Variants in PPIP5K2 observed in about 807,000 individuals in gnomAD.
The protein encoded by PPIP5K2 is inositol hexakisphosphate and diphosphoinositol-pentakisphosphate kinase 2.
A neutral mutation model predicts 154.6 loss-of-function variants in PPIP5K2; 105 were observed. The ratio of observed to expected loss-of-function variants is 0.68; its 90% confidence interval spans 0.58 to 0.80. PPIP5K2 has a LOEUF of 0.80. Ranked by LOEUF, PPIP5K2 falls within the 30% of genes least tolerant of loss-of-function variation. PPIP5K2 has a pLI of 0.00. For missense variants in PPIP5K2, 992 were observed against 1,504.6 expected, an observed-to-expected ratio of 0.66 and a Z score of 5.64; for synonymous variants, 480 against 490.3, an observed-to-expected ratio of 0.98 and a Z score of 0.28.
intron 17 of PPIP5K2, among the ~76,000 whole-genome samples, chr5:103,164,877 T>C (rs1433148846): frequency 6.6e-6 from 1 of 152,080 alleles, no homozygotes; most frequent in Non-Finnish European, 1.5e-5. Context: ...ATGGCTTTTA[T>C]TCAAAAAAAT....
rs2149883234 is a variant in PPIP5K2, at chr5:103,206,350, A to G, written c.*4716A>G. On this transcript the variant is annotated 3_prime_UTR_variant, in exon 31 of 31. Transcript: ENST00000358359. ...ATTTTTTTTGTTCATGTCCAACACA[A>G]TAAAAATTGAGGGAAGTTCTGTCCC... The G allele has an allele frequency of 6.6e-6, 1 of 152,304 alleles. No homozygotes were observed. The highest frequency in any genetic ancestry group is 2.1e-4 in the South Asian group (1 of 4,828). The allele number at this position is 152,304 out of a possible 1,614,324, so 9.4% of individuals were successfully genotyped here.
At chr5:103,193,866 T>C (rs191698738) in intron 29 of PPIP5K2, among the ~76,000 whole-genome samples, 3 of 152,284 alleles carry the variant, frequency 2.0e-5, no homozygotes, top group African/African-American at 7.2e-5. Context: ...TACTTTGGCC[T>C]GTCCTTGCCC....
At position 103,138,370 on chromosome 5, in the gene PPIP5K2, C is replaced by A. The variant is rs782533376; in HGVS notation, c.402-14C>A. On this transcript the variant is annotated splice_polypyrimidine_tract_variant and intron_variant, in intron 4 of 30. Transcript: ENST00000358359. ...GAGCAATAAAACAATAAGGATGTTT[C>A]CCTTTTTCTTCAGGAGAGAAGTATA... is the stretch of plus-strand genomic sequence containing the variant. The A allele has an allele frequency of 1.6e-5, 23 of 1,435,714 alleles. No homozygotes were observed. Among genetic ancestry groups the A allele is most frequent in the Non-Finnish European group, 2.2e-5 (23 of 1,042,008 alleles). The allele number at this position is 1,435,714 out of a possible 1,614,324, so 88.9% of individuals were successfully genotyped here. A position where few individuals can be genotyped will look rare whatever the true frequency, so the allele number is the denominator to read the frequency against.
chr5:103,154,997 T>C (rs1229318516), intron 13 of PPIP5K2, 54 bp downstream of exon 13: 5 of 1,040,908 alleles, frequency 4.8e-6, no homozygotes, highest in Non-Finnish European at 6.8e-6. Flanking sequence ...CTCTTCTTTT[T>C]TATGTATGTG....
chr5:103,173,553 A>G (rs1365749190), intron 20 of PPIP5K2, among the ~76,000 whole-genome samples: 4 of 151,974 alleles, frequency 2.6e-5, no homozygotes, highest in Non-Finnish European at 5.9e-5. Flanking sequence ...AATGTCTGTG[A>G]GCATCTTTAG....
At chr5:103,171,126 C>A (rs192869737) in intron 19 of PPIP5K2, among the ~76,000 whole-genome samples, 1 of 151,388 alleles carries the variant, frequency 6.6e-6, no homozygotes, top group Non-Finnish European at 1.5e-5. Flanking sequence ...TGCATATGGT[C>A]TATTTTAGTT....
rs782478104 is a variant in PPIP5K2 at position 103,191,002 on chromosome 5, T to C, written c.3493+20T>C. On this transcript the variant is annotated intron_variant, in intron 29 of 30. Coordinates refer to ENST00000358359, the MANE Select transcript of PPIP5K2 (RefSeq NM_001276277.3). ...AAATTTGTAGGAAATTTTTCTTTCATTGTTATTATTTAGTTGCTGGGCAAC... is the reference window on the plus strand; with the variant it reads ...AAATTTGTAGGAAATTTTTCTTTCACTGTTATTATTTAGTTGCTGGGCAAC... The C allele has an allele frequency of 5.1e-5, 82 of 1,600,374 alleles. No homozygotes were observed. Among genetic ancestry groups the C allele is most frequent in the Non-Finnish European group, 6.6e-5 (77 of 1,174,228 alleles).
In PPIP5K2 at chr5:103,190,957, C is replaced by T. The variant is rs542466858; in HGVS notation, c.3468C>T (p.Asp1156=). The T allele has an allele frequency of 4.9e-5, 79 of 1,608,002 alleles. No homozygotes were observed. The highest frequency in any genetic ancestry group is 3.2e-4 in the South Asian group (29 of 89,604). The part of the protein sequence containing the change: ...FLASIASPSS[D]VPRKTAEISS... ...CTTCCATTGCTTCTCCATCATCTGA[C>T]GTTCCACGGAAGACCGCTGAAATTT... Residue 1156 remains aspartate (D), a synonymous_variant, in exon 29 of 31, where the codon GAC becomes GAT. Coordinates refer to ENST00000358359, the MANE Select transcript of PPIP5K2 (RefSeq NM_001276277.3).
At chr5:103,141,276 C>T (rs1431993942) in intron 5 of PPIP5K2, among the ~76,000 whole-genome samples, 2 of 151,924 alleles carry the variant, frequency 1.3e-5, no homozygotes, top group Non-Finnish European at 2.9e-5. Context: ...CTGTCCCTTC[C>T]GATGTTCAGA....
intron 1 of PPIP5K2, among the ~76,000 whole-genome samples, chr5:103,126,116 T>C (rs1789632411): frequency 6.6e-6 from 1 of 152,210 alleles, no homozygotes; most frequent in South Asian, 2.1e-4. Context: ...GTTCACACCA[T>C]ATAACCCCAT....
At chr5:103,197,776 C>T (rs1298591456) in intron 30 of PPIP5K2, among the ~76,000 whole-genome samples, 1 of 151,344 alleles carries the variant, frequency 6.6e-6, no homozygotes, top group Non-Finnish European at 1.5e-5. Context: ...TGGAGTTTCA[C>T]CATGTTGGCC....
intron 19 of PPIP5K2, among the ~76,000 whole-genome samples, chr5:103,170,401 AT>A (rs1554219251): frequency 6.6e-6 from 1 of 151,594 alleles, no homozygotes; most frequent in African/African-American, 2.4e-5. Context: ...CGGTCTGAGA[AT>A]TTATTTGAAG....
rs782559801 is a variant in PPIP5K2, at chr5:103,133,509, C to T, written c.171C>T (p.Ser57=). ...GICSMAKKSK[S]KPMKEILERI... ...GTTCCATGGCAAAGAAATCCAAATCCAAACCAATGAAGGAAATTCTTGAAC... is the reference window on the plus strand; with the variant it reads ...GTTCCATGGCAAAGAAATCCAAATCTAAACCAATGAAGGAAATTCTTGAAC... Residue 57 remains serine, a synonymous_variant, in exon 3 of 31, where the codon TCC becomes TCT. Coordinates refer to ENST00000358359, the MANE Select transcript of PPIP5K2 (RefSeq NM_001276277.3). 1 of 1,611,418 alleles carries T rather than the reference C, an allele frequency of 6.2e-7. No homozygotes were observed. The highest frequency in any genetic ancestry group is 1.1e-5 in the South Asian group (1 of 90,786).
At chr5:103,122,555 G>A (rs1286828944) in intron 1 of PPIP5K2, among the ~76,000 whole-genome samples, 2 of 152,244 alleles carry the variant, frequency 1.3e-5, no homozygotes, top group Non-Finnish European at 2.9e-5. Flanking sequence ...TCTTATAAAT[G>A]AGCCAGGTTG....
rs781904474 is a variant in PPIP5K2, at chr5:103,152,711, T to C, written c.1092T>C (p.Ala364=). 1.3e-6 allele frequency: 2 copies of C among 1,591,968 alleles called. No individual in the cohort carries two copies. The highest frequency in any genetic ancestry group is 1.7e-6 in the Non-Finnish European group (2 of 1,160,628). ...FHIPWSIPLE[A]EDIPIVPTTS... ...TTCCATGGTCAATACCCTTAGAAGC[T>C]GAAGATATCCCAATTGTACCAACTA... The change falls in exon 10 of 31, where the codon GCT becomes GCC. Residue 364 remains alanine, a synonymous_variant. Coordinates refer to ENST00000358359, the MANE Select transcript of PPIP5K2 (RefSeq NM_001276277.3).
At position 103,207,645 on chromosome 5, in the gene PPIP5K2, T is replaced by A. The variant is rs986457565; in HGVS notation, c.*6011T>A. ...TGAACAATATCCAATTAGTGTATTT[T>A]TTCCTCTACTGCACAGTTTTGGTTG... On this transcript the variant is annotated 3_prime_UTR_variant, in exon 31 of 31. Transcript: ENST00000358359. 6.6e-6 allele frequency: 1 copy of A among 152,152 alleles called. No individual in the cohort carries two copies. Among genetic ancestry groups the A allele is most frequent in the Non-Finnish European group, 1.5e-5 (1 of 68,028 alleles). The allele number at this position is 152,152 out of a possible 1,614,324, so 9.4% of individuals were successfully genotyped here.
At chr5:103,164,613 A>T (rs1796854860) in intron 17 of PPIP5K2, among the ~76,000 whole-genome samples, 1 of 151,952 alleles carries the variant, frequency 6.6e-6, no homozygotes, top group African/African-American at 2.4e-5. Context: ...TGGATCACTG[A>T]CCTTTGAGTT....
chr5:103,149,397 AT>A, intron 8 of PPIP5K2, 84 bp downstream of exon 8: 5 of 1,299,364 alleles, frequency 3.8e-6, no homozygotes, highest in Non-Finnish European at 5.3e-6. Flanking sequence ...GGTGCTTATA[AT>A]TGGAGAAGTA....
At chr5:103,190,738 A>G in intron 28 of PPIP5K2, 104 bp from the exon 29 acceptor site, 1 of 1,027,334 alleles carries the variant, frequency 9.7e-7, no homozygotes, top group Non-Finnish European at 1.3e-6. Flanking sequence ...GATAGACTGA[A>G]AAGACCTAAA....
Sources: allele counts gnomAD v4.1 joint callset (sites outside exome capture counted in the v4.1 genomes callset), GRCh38; gene constraint gnomAD v4.1.1; transcripts MANE v1.5; gene names NCBI Gene and HGNC (gene_info 2026-07-23, HGNC 2026-07-21).